KCNMB2: variants seen among roughly 807,000 people sequenced by gnomAD.
The protein encoded by KCNMB2 is calcium-activated potassium channel subunit beta-2.
Under a neutral mutation model 24.5 loss-of-function variants are expected in KCNMB2, and 9 were observed. The observed-to-expected ratio is 0.37, with a 90% CI of 0.22 to 0.64. KCNMB2 has a LOEUF of 0.64. Ranked by LOEUF, KCNMB2 falls within the 30% of genes least tolerant of loss-of-function variation. The probability of loss-of-function intolerance (pLI) is 0.63; values close to 1 mark genes in which losing one functional copy is unlikely to be tolerated. For missense variants in KCNMB2, 226 were observed against 284.3 expected, an observed-to-expected ratio of 0.79 and a Z score of 1.47; for synonymous variants, 109 against 104.4, an observed-to-expected ratio of 1.04 and a Z score of -0.27.
intron 1 of KCNMB2, among the ~76,000 whole-genome samples, chr3:178,800,205 C>T (rs1713720848): frequency 6.6e-6 from 1 of 152,040 alleles, no homozygotes; most frequent in African/African-American, 2.4e-5. Flanking sequence ...AAAGCTTCTG[C>T]ATAGCAAAGA....
chr3:178,610,575 T>A (rs1185109376), intron 1 of KCNMB2, among the ~76,000 whole-genome samples: 1 of 152,240 alleles, frequency 6.6e-6, no homozygotes, highest in Non-Finnish European at 1.5e-5. Context: ...CATATAGAAA[T>A]ACTACTGATT....
At position 178,589,564 on chromosome 3, in the gene KCNMB2, G is replaced by A. The variant is rs528352624; in HGVS notation, c.-68+52853G>A. Among the ~76,000 whole-genome samples, 7 of 152,042 alleles carry A rather than the reference G, an allele frequency of 4.6e-5. No individual in the cohort carries two copies. In the South Asian group the frequency reaches 6.3e-4, roughly 14 times the overall value. ...TGCAATCATAGCCCACTGTACCCTC[G>A]AACTCCTGGGCTGAAGCAATCCTCC... On this transcript the variant is annotated intron_variant, in intron 1 of 4. Coordinates refer to ENST00000452583, the MANE Select transcript of KCNMB2 (RefSeq NM_181361.3).
chr3:178,820,516 C>T (rs6779867), intron 2 of KCNMB2: 1 of 152,962 alleles, frequency 6.5e-6, no homozygotes, highest in East Asian at 1.9e-4. Context: ...TATAGGATAG[C>T]TACCAAGGGA....
intron 1 of KCNMB2, among the ~76,000 whole-genome samples, chr3:178,791,463 T>C (rs1376443953): frequency 6.6e-6 from 1 of 151,986 alleles, no homozygotes; most frequent in East Asian, 1.9e-4. Context: ...CAAAAAACAA[T>C]GAATCACACC....
chr3:178,589,480 GTTGT>G (rs982161170), intron 1 of KCNMB2, among the ~76,000 whole-genome samples: 1 of 151,902 alleles, frequency 6.6e-6, no homozygotes, highest in South Asian at 2.1e-4. Context: ...TTTTTTTGTT[GTTGT>G]TTGTTTGTTT....
chr3:178,727,997 T>C (rs1723019130), intron 1 of KCNMB2, among the ~76,000 whole-genome samples: 1 of 152,240 alleles, frequency 6.6e-6, no homozygotes, highest in Admixed American at 6.6e-5. Context: ...TATTCTTATT[T>C]ATCTGTTCCT....
intron 1 of KCNMB2, among the ~76,000 whole-genome samples, chr3:178,587,793 T>A (rs1291767205): frequency 1.3e-5 from 2 of 151,704 alleles, no homozygotes. Context: ...AACGTGCAGG[T>A]TTGTTACATA....
intron 1 of KCNMB2, among the ~76,000 whole-genome samples, chr3:178,791,298 T>C (rs1713314131): frequency 6.6e-6 from 1 of 152,184 alleles, no homozygotes; most frequent in Non-Finnish European, 1.5e-5. Context: ...TTTTAAAAAT[T>C]AAGCAAAAAT....
At chr3:178,786,511 T>C (rs1237850596) in intron 1 of KCNMB2, among the ~76,000 whole-genome samples, 1 of 152,126 alleles carries the variant, frequency 6.6e-6, no homozygotes, top group Non-Finnish European at 1.5e-5. Context: ...TGCCCAACTC[T>C]AGAAATGCAG....
chr3:178,649,617 A>C (rs1215844045), intron 1 of KCNMB2, among the ~76,000 whole-genome samples: 1 of 152,018 alleles, frequency 6.6e-6, no homozygotes, highest in Admixed American at 6.6e-5. Context: ...TGTGTCCAAG[A>C]ATGTATCCAT....
chr3:178,649,422 C>A (rs554720101), intron 1 of KCNMB2, among the ~76,000 whole-genome samples: 1 of 152,086 alleles, frequency 6.6e-6, no homozygotes, highest in South Asian at 2.1e-4. Flanking sequence ...CCATATACTG[C>A]AACAGTTCTC....
intron 1 of KCNMB2, among the ~76,000 whole-genome samples, chr3:178,698,276 T>G (rs1721953272): frequency 6.6e-6 from 1 of 152,236 alleles, no homozygotes; most frequent in Non-Finnish European, 1.5e-5. Flanking sequence ...CAGATTCATA[T>G]CTTTACATAA....
intron 1 of KCNMB2, among the ~76,000 whole-genome samples, chr3:178,780,821 C>T (rs1712800331): frequency 6.6e-6 from 1 of 152,140 alleles, no homozygotes; most frequent in Admixed American, 6.5e-5. Flanking sequence ...ACATGTAAAA[C>T]ATAAGACCTA....
At chr3:178,666,676 T>A (rs1388398661) in intron 1 of KCNMB2, among the ~76,000 whole-genome samples, 1 of 152,170 alleles carries the variant, frequency 6.6e-6, no homozygotes, top group East Asian at 1.9e-4. Flanking sequence ...AAAAGATCTG[T>A]TAAATGCCCA....
chr3:178,684,028 T>A (rs1414881652), intron 1 of KCNMB2, among the ~76,000 whole-genome samples: 1 of 152,118 alleles, frequency 6.6e-6, no homozygotes, highest in Non-Finnish European at 1.5e-5. Context: ...GAGGAAAGGA[T>A]CACCACTTTG....
chr3:178,741,866 C>G (rs1723506757), intron 1 of KCNMB2, among the ~76,000 whole-genome samples: 1 of 152,190 alleles, frequency 6.6e-6, no homozygotes, highest in Non-Finnish European at 1.5e-5. Flanking sequence ...ACCCAAGGCT[C>G]ATAGGATAGA....
At chr3:178,818,585 A>G (rs1259197196) in intron 2 of KCNMB2, among the ~76,000 whole-genome samples, 1 of 152,138 alleles carries the variant, frequency 6.6e-6, no homozygotes, top group Non-Finnish European at 1.5e-5. Context: ...TCATCTAAGT[A>G]AATCTAAATC....
chr3:178,739,395 T>G (rs1486738854), intron 1 of KCNMB2, among the ~76,000 whole-genome samples: 1 of 152,202 alleles, frequency 6.6e-6, no homozygotes, highest in Admixed American at 6.5e-5. Context: ...GCTGTTTGAG[T>G]GTTTCAAAGA....
intron 1 of KCNMB2, among the ~76,000 whole-genome samples, chr3:178,634,658 A>G (rs913813178): frequency 1.3e-5 from 2 of 152,154 alleles, no homozygotes. Context: ...CAACAAAACC[A>G]TATCACACGG....
Sources: gnomAD v4.1 joint callset for allele counts (sites outside exome capture counted in the v4.1 genomes callset) on GRCh38, gnomAD v4.1.1 for gene constraint, MANE v1.5 for transcripts, NCBI Gene and HGNC (gene_info 2026-07-23, HGNC 2026-07-21) for gene names.